The following VRK2 variants were observed in gnomAD, a reference collection of about 807,000 sequenced individuals.
The protein encoded by VRK2 is VRK serine/threonine kinase 2, also known as serine/threonine-protein kinase VRK2.
Under a neutral mutation model 57.6 loss-of-function variants are expected in VRK2, and 60 were observed. That is an observed-to-expected ratio of 1.04 (90% CI 0.85 to 1.29). The LOEUF is 1.29. VRK2 is among the 50% of genes most tolerant of loss of function. The probability of loss-of-function intolerance (pLI) is 0.00; values close to 1 mark genes in which losing one functional copy is unlikely to be tolerated. For missense variants in VRK2, 705 were observed against 588.1 expected (o/e 1.20, Z -2.06); for synonymous variants, 231 against 199.2 (o/e 1.16, Z -1.35).
At chr2:58,152,711 T>C (rs1164475906) in intron 12 of VRK2, among the ~76,000 whole-genome samples, 3 of 151,942 alleles carry the variant, frequency 2.0e-5, no homozygotes, top group African/African-American at 7.2e-5. Flanking sequence ...TTTGTAGTGG[T>C]GGATTTATAT....
chr2:58,103,465 AC>A (rs1391050048), intron 7 of VRK2, among the ~76,000 whole-genome samples: 2 of 151,574 alleles, frequency 1.3e-5, no homozygotes, highest in Non-Finnish European at 3.0e-5. Flanking sequence ...TCTGTGAACA[AC>A]TATATGCTTA....
intron 1 of VRK2, among the ~76,000 whole-genome samples, chr2:57,979,441 G>T (rs991915066): frequency 6.6e-6 from 1 of 151,050 alleles, no homozygotes; most frequent in Admixed American, 6.6e-5. Context: ...GGTTCAATTT[G>T]ATATTATTTT....
At chr2:57,947,422 C>A (rs1671295421) in intron 1 of VRK2, among the ~76,000 whole-genome samples, 1 of 152,130 alleles carries the variant, frequency 6.6e-6, no homozygotes, top group African/African-American at 2.4e-5. Flanking sequence ...ACTCTAGGAA[C>A]ATGTTTCATG....
At chr2:58,058,423 G>A (rs1446366951) in intron 2 of VRK2, 1 of 470,530 alleles carries the variant, frequency 2.1e-6, no homozygotes, top group South Asian at 1.6e-5. Context: ...TTTATTTCAA[G>A]CAAGAGCAAT....
chr2:57,918,155 A>C (rs1670217549), intron 1 of VRK2, among the ~76,000 whole-genome samples: 2 of 152,110 alleles, frequency 1.3e-5, no homozygotes, highest in Admixed American at 6.6e-5. Flanking sequence ...AGGACTATTT[A>C]AATATATTAA....
chr2:58,023,282 A>C (rs1377622365), intron 1 of VRK2, among the ~76,000 whole-genome samples: 1 of 152,138 alleles, frequency 6.6e-6, no homozygotes, highest in Non-Finnish European at 1.5e-5. Flanking sequence ...TTCAATGTTC[A>C]TCCCTGTTGT....
intron 1 of VRK2, among the ~76,000 whole-genome samples, chr2:57,936,523 GTTTT>G (rs979256098): frequency 6.9e-6 from 1 of 145,362 alleles, no homozygotes. Flanking sequence ...GTTTTGTTTT[GTTTT>G]TTTGTTTTTT....
intron 1 of VRK2, among the ~76,000 whole-genome samples, chr2:57,910,660 A>G (rs1669960613): frequency 6.6e-6 from 1 of 152,164 alleles, no homozygotes; most frequent in Non-Finnish European, 1.5e-5. Context: ...AAGGAGATAA[A>G]GTATACATTT....
At chr2:58,020,187 T>G (rs568022137) in intron 1 of VRK2, among the ~76,000 whole-genome samples, 3 of 152,222 alleles carry the variant, frequency 2.0e-5, no homozygotes, top group Admixed American at 1.3e-4. Flanking sequence ...AGTTTATTTC[T>G]ATGATATAAA....
At chr2:58,026,892 T>G (rs1425805539) in intron 2 of VRK2, 1 of 151,064 alleles carries the variant, frequency 6.6e-6, no homozygotes, top group Non-Finnish European at 1.5e-5. Flanking sequence ...TTCTTTTCTT[T>G]TTTTTTTTTG....
intron 1 of VRK2, 152 bp downstream of exon 1, chr2:58,047,020 C>T (rs983221952): frequency 5.2e-6 from 5 of 961,696 alleles, no homozygotes; most frequent in Non-Finnish European, 6.2e-6. Flanking sequence ...CCGGCCCGGG[C>T]AGAGTCGCTG....
intron 2 of VRK2, among the ~76,000 whole-genome samples, chr2:58,050,849 CTT>C (rs1300849485): frequency 3.4e-5 from 5 of 145,508 alleles, no homozygotes; most frequent in African/African-American, 5.0e-5. Flanking sequence ...CATATTTTTA[CTT>C]TTTTTTTTTT....
chr2:58,058,076 C>T (rs922116700), intron 2 of VRK2, among the ~76,000 whole-genome samples: 4 of 152,108 alleles, frequency 2.6e-5, no homozygotes, highest in African/African-American at 7.2e-5. Context: ...TTGAGCCCAG[C>T]ATGCCTGCTA....
At chr2:58,134,473 C>T (rs1439482658) in intron 9 of VRK2, among the ~76,000 whole-genome samples, 5 of 151,242 alleles carry the variant, frequency 3.3e-5, no homozygotes, top group African/African-American at 9.7e-5. Context: ...TAGCCGGGCG[C>T]GGTGGCGGGC....
At chr2:58,051,920 A>G (rs560316865) in intron 2 of VRK2, among the ~76,000 whole-genome samples, 111 of 152,348 alleles carry the variant, frequency 7.3e-4, no homozygotes, top group African/African-American at 2.5e-3. Context: ...GAAGGGGAGG[A>G]AAAAGGAAGA....
intron 10 of VRK2, among the ~76,000 whole-genome samples, chr2:58,137,092 A>G (rs1311443307): frequency 2.4e-5 from 3 of 127,250 alleles, no homozygotes; most frequent in East Asian, 2.2e-4. Flanking sequence ...ATATATGTGT[A>G]TATATCATAT....
intron 2 of VRK2, among the ~76,000 whole-genome samples, chr2:58,051,759 A>T (rs1572858307): frequency 6.6e-6 from 1 of 152,192 alleles, no homozygotes; most frequent in African/African-American, 2.4e-5. Flanking sequence ...AGCAGCTTAC[A>T]GTTAAGGGGA....
intron 1 of VRK2, among the ~76,000 whole-genome samples, chr2:57,921,017 A>G (rs1287405241): frequency 6.6e-6 from 1 of 152,112 alleles, no homozygotes; most frequent in East Asian, 1.9e-4. Flanking sequence ...GATGAAGAAC[A>G]TGAGGCCTGA....
At chr2:58,050,741 T>C (rs917399305) in intron 2 of VRK2, among the ~76,000 whole-genome samples, 1 of 152,280 alleles carries the variant, frequency 6.6e-6, no homozygotes, top group African/African-American at 2.4e-5. Flanking sequence ...CTATTGTTAC[T>C]GTTATGATAA....
Sources: allele counts gnomAD v4.1 joint callset (sites outside exome capture counted in the v4.1 genomes callset), GRCh38; gene constraint gnomAD v4.1.1; transcripts MANE v1.5; gene names NCBI Gene and HGNC (gene_info 2026-07-23, HGNC 2026-07-21).